Variants in MTDH observed in about 807,000 individuals in gnomAD.
The protein encoded by MTDH is metadherin.
MTDH carries 34 observed loss-of-function variants against 72.7 expected under a neutral mutation model. The ratio of observed to expected loss-of-function variants is 0.47; its 90% CI spans 0.36 to 0.62. MTDH has a LOEUF of 0.62. Ranked by LOEUF, MTDH falls within the 20% of genes least tolerant of loss-of-function variation. MTDH has a pLI of 0.00. For missense variants in MTDH, 677 were observed against 699.4 expected (o/e 0.97, Z 0.36); for synonymous variants, 266 against 268.9 (o/e 0.99, Z 0.10).
intron 2 of MTDH, among the ~76,000 whole-genome samples, chr8:97,671,220 G>T (rs1586224342): frequency 6.6e-6 from 1 of 151,992 alleles, no homozygotes; most frequent in Admixed American, 6.6e-5. Context: ...TCGTGTCTCG[G>T]CCTCCCAAAG....
intron 6 of MTDH, among the ~76,000 whole-genome samples, chr8:97,692,570 G>A (rs537642684): frequency 1.4e-4 from 22 of 151,860 alleles, no homozygotes; most frequent in African/African-American, 5.1e-4. Context: ...TAGAGACGGG[G>A]TTTCACCATG....
chr8:97,701,851 A>T (rs1448972626), intron 7 of MTDH, among the ~76,000 whole-genome samples: 1 of 152,176 alleles, frequency 6.6e-6, no homozygotes, highest in Non-Finnish European at 1.5e-5. Context: ...AAAGATTTTT[A>T]AAACATGTAT....
chr8:97,648,105 T>C (rs1347147154), intron 1 of MTDH, among the ~76,000 whole-genome samples: 1 of 152,206 alleles, frequency 6.6e-6, no homozygotes. Context: ...TACCTCAACC[T>C]GTTTATAAGC....
intron 2 of MTDH, among the ~76,000 whole-genome samples, chr8:97,668,739 G>C (rs1217756590): frequency 6.6e-6 from 1 of 152,088 alleles, no homozygotes; most frequent in African/African-American, 2.4e-5. Context: ...ATTTTTAATA[G>C]AGATGGGATT....
Position 97,687,415 on chromosome 8 carries a change from TGGGG to T in MTDH, c.569-13_569-10del. 1 of 1,568,822 alleles carries T rather than the reference TGGGG, an allele frequency of 6.4e-7. No individual in the cohort carries two copies. The highest frequency in any genetic ancestry group is 1.9e-5 in the Admixed American group (1 of 51,832). On this transcript the variant is annotated splice_polypyrimidine_tract_variant and intron_variant, in intron 3 of 11. Coordinates refer to ENST00000336273, the MANE Select transcript of MTDH (RefSeq NM_178812.4). The stretch of plus-strand genomic sequence containing the variant: ...CCCTTACTGAATAACATTTTTTTTC[TGGGG>T]CTATGTCAGGAGCCTGGGAAACTAA...
intron 2 of MTDH, among the ~76,000 whole-genome samples, chr8:97,677,892 T>C (rs1414402918): frequency 2.6e-5 from 4 of 152,236 alleles, no homozygotes; most frequent in African/African-American, 7.2e-5. Context: ...TGAGGGTTTC[T>C]TATTTAAATA....
At chr8:97,660,569 A>G (rs1812136559) in intron 1 of MTDH, among the ~76,000 whole-genome samples, 2 of 152,220 alleles carry the variant, frequency 1.3e-5, no homozygotes, top group Non-Finnish European at 2.9e-5. Flanking sequence ...ATGGCAATCA[A>G]TAAAATATTT....
chr8:97,719,027 A>C (rs372948579), intron 9 of MTDH, 22 bp from the exon 10 acceptor site: 1 of 1,566,366 alleles, frequency 6.4e-7, no homozygotes, highest in African/African-American at 1.4e-5. Flanking sequence ...TATATAATCT[A>C]ATAGGTTATT....
intron 7 of MTDH, among the ~76,000 whole-genome samples, chr8:97,703,984 C>T (rs1406041094): frequency 6.6e-6 from 1 of 152,104 alleles, no homozygotes; most frequent in Non-Finnish European, 1.5e-5. Flanking sequence ...ACATGAAGAC[C>T]CATGCTCTTC....
At chr8:97,652,040 A>C (rs752710032) in intron 1 of MTDH, among the ~76,000 whole-genome samples, 1 of 152,174 alleles carries the variant, frequency 6.6e-6, no homozygotes, top group Non-Finnish European at 1.5e-5. Flanking sequence ...TATATATTCA[A>C]TCTGACTACT....
chr8:97,657,359 G>A (rs577068312), intron 1 of MTDH, among the ~76,000 whole-genome samples: 53 of 152,246 alleles, frequency 3.5e-4, no homozygotes, highest in Non-Finnish European at 6.5e-4. Flanking sequence ...AACTTTGATT[G>A]GCCCTGGTGG....
At chr8:97,715,363 G>C (rs11996458) in intron 9 of MTDH, among the ~76,000 whole-genome samples, 1 of 148,386 alleles carries the variant, frequency 6.7e-6, no homozygotes, top group Non-Finnish European at 1.5e-5. Context: ...ATCTGGCCTC[G>C]AGTGATCTTC....
intron 1 of MTDH, among the ~76,000 whole-genome samples, chr8:97,648,822 A>G (rs574894081): frequency 2.0e-4 from 30 of 152,352 alleles, no homozygotes; most frequent in Non-Finnish European, 3.2e-4. Flanking sequence ...GTACTCAAAA[A>G]TAATTATTGA....
At chr8:97,695,365 G>C (rs1457897638) in intron 6 of MTDH, among the ~76,000 whole-genome samples, 1 of 151,990 alleles carries the variant, frequency 6.6e-6, no homozygotes, top group Non-Finnish European at 1.5e-5. Flanking sequence ...GCCCGCCTCG[G>C]CCCCCCAAAA....
Position 97,677,384 on chromosome 8 carries a change from G to A in MTDH, c.484-9284G>A, listed in dbSNP as rs190568430. 7.7e-3 allele frequency among the ~76,000 whole-genome samples: 1,166 copies of A among 150,998 alleles called. 15 individuals carry two copies. Among genetic ancestry groups the A allele is most frequent in the African/African-American group, 0.026 (1,089 of 41,158 alleles). On this transcript the variant is annotated intron_variant, in intron 2 of 11. Coordinates refer to ENST00000336273, the MANE Select transcript of MTDH (RefSeq NM_178812.4). ...CAGGTGCCTGTAGTCCCAGTTACTCGGGAGGCTGAGGCAGGAGAATTCCTT... is the reference window on the plus strand; with the variant it reads ...CAGGTGCCTGTAGTCCCAGTTACTCAGGAGGCTGAGGCAGGAGAATTCCTT...
intron 4 of MTDH, among the ~76,000 whole-genome samples, chr8:97,688,225 A>G (rs1461930508): frequency 1.3e-5 from 2 of 152,148 alleles, no homozygotes; most frequent in Admixed American, 6.5e-5. Context: ...CCAGTCTGCA[A>G]AGTGATACTG....
intron 2 of MTDH, among the ~76,000 whole-genome samples, chr8:97,668,217 G>A (rs1812468763): frequency 6.6e-6 from 1 of 152,120 alleles, no homozygotes; most frequent in African/African-American, 2.4e-5. Context: ...AACCCGGGAG[G>A]CGGAGCTTGC....
chr8:97,722,936 A>G lies in MTDH; in HGVS notation c.1579A>G (p.Ser527Gly). 6.2e-7 allele frequency: 1 copy of G among 1,614,124 alleles called. No homozygotes were observed. Among genetic ancestry groups the G allele is most frequent in the Non-Finnish European group, 8.5e-7 (1 of 1,179,990 alleles). The change falls in exon 11 of 12, where the codon AGT becomes GGT. Residue 527 changes from serine to glycine, a missense_variant. Coordinates refer to ENST00000336273, the MANE Select transcript of MTDH (RefSeq NM_178812.4). ...CGAGCCATCTGTAATCTTATCAAAA[A>G]GTGATTCTGACAAGAGCTCTTCCCA... ...STEPSVILSKSDSDKSSSQVP... is the reference protein window; with the variant it reads ...STEPSVILSKGDSDKSSSQVP...
intron 1 of MTDH, among the ~76,000 whole-genome samples, chr8:97,647,388 C>T (rs972229134): frequency 6.6e-6 from 1 of 152,208 alleles, no homozygotes; most frequent in African/African-American, 2.4e-5. Context: ...ATAGTGAGAC[C>T]TCATCTCTAC....
Sources: allele counts gnomAD v4.1 joint callset (sites outside exome capture counted in the v4.1 genomes callset), GRCh38; gene constraint gnomAD v4.1.1; transcripts MANE v1.5; gene names NCBI Gene and HGNC (gene_info 2026-07-23, HGNC 2026-07-21).